DNAH3: variants seen among roughly 807,000 people sequenced by gnomAD.
DNAH3 encodes the protein axonemal beta dynein heavy chain 3.
Under a neutral mutation model 432.5 loss-of-function variants are expected in DNAH3, and 332 were observed. That is an observed-to-expected ratio of 0.77 (90% CI 0.70 to 0.84). DNAH3 has a LOEUF of 0.84. Among genes scored for constraint, DNAH3 ranks in the 40% least tolerant of loss-of-function variants. The pLI, the probability that DNAH3 is intolerant of heterozygous loss-of-function variation, is 0.00. For missense variants in DNAH3, 4,861 were observed against 5,114.0 expected, an observed-to-expected ratio of 0.95 and a Z score of 1.51; for synonymous variants, 1,956 against 1,900.2, an observed-to-expected ratio of 1.03 and a Z score of -0.76.
intron 18 of DNAH3, among the ~76,000 whole-genome samples, chr16:21,092,994 A>G (rs1339049113): frequency 6.6e-6 from 1 of 152,172 alleles, no homozygotes; most frequent in Non-Finnish European, 1.5e-5. Context: ...GGATTGCTTG[A>G]GCCCAGGAAT....
rs372220424 is a variant in DNAH3 at position 21,065,980 on chromosome 16, C to T, written c.3518+1303G>A. Among the ~76,000 whole-genome samples the T allele has an allele frequency of 9.9e-5, 15 of 152,152 alleles. No homozygotes were observed. In the South Asian group the frequency reaches 3.1e-3, roughly 32 times the overall value. On this transcript the variant is annotated intron_variant, in intron 24 of 61. Transcript: ENST00000261383. The stretch of plus-strand genomic sequence containing the variant: ...TAGCTGGGATTACAGGTGCCCCCCA[C>T]CACACCTGGCTAATTTTTGTATTTT...
chr16:21,112,168 C>G, intron 12 of DNAH3, 70 bp from the exon 13 acceptor site: 1 of 1,003,570 alleles, frequency 1.0e-6, no homozygotes, highest in Non-Finnish European at 1.5e-6. Flanking sequence ...GTCAGAGTGG[C>G]AAATGAAGAC....
In DNAH3 at chr16:21,021,976, A is replaced by T. The variant is rs150017289; in HGVS notation, c.5771T>A (p.Leu1924Gln). ...GAATCATGGCTAGCACTTACCAAGC[A>T]GAGAAGAGTACAGTCTCATCATTGA... The change falls in exon 40 of 62, where the codon CTG becomes CAG. Residue 1924 changes from leucine (L) to glutamine (Q), a missense_variant. Transcript: ENST00000261383. 3.7e-6 allele frequency: 6 copies of T among 1,613,828 alleles called. No homozygotes were observed. The African/African-American group carries it at 8.0e-5, about 22-fold the overall frequency.
At chr16:21,013,719 C>CAAAAAAAAAAAAAAAAA (rs557641711) in intron 41 of DNAH3, among the ~76,000 whole-genome samples, 2 of 47,426 alleles carry the variant, frequency 4.2e-5, no homozygotes, top group Non-Finnish European at 8.1e-5. Flanking sequence ...AACTCCATCT[C>CAAAAAAAAAAAAAAAAA]AAAAAAAAAA....
chr16:21,139,084 C>T, intron 5 of DNAH3, among the ~76,000 whole-genome samples: 1 of 152,058 alleles, frequency 6.6e-6, no homozygotes. Flanking sequence ...GACATTTGCT[C>T]TAAAGTTTTA....
At chr16:21,078,796 G>A (rs1199735114) in intron 20 of DNAH3, among the ~76,000 whole-genome samples, 1 of 152,226 alleles carries the variant, frequency 6.6e-6, no homozygotes, top group Non-Finnish European at 1.5e-5. Context: ...AAATGTGCTG[G>A]AGAAGCTCAT....
In DNAH3 at chr16:20,997,268, C is replaced by T. The variant is rs377343224; in HGVS notation, c.6601+15G>A. 65 of 1,611,822 alleles carry T rather than the reference C, an allele frequency of 4.0e-5. No individual in the cohort carries two copies. The African/African-American group carries it at 8.4e-4, about 21-fold the overall frequency. On this transcript the variant is annotated intron_variant, in intron 44 of 61. Coordinates refer to ENST00000261383, the Ensembl canonical transcript of DNAH3. ...GGATGGAGGGAAAGAGGAATGAGCT[C>T]TTCCCTTCACATACCAGTAATGTCA...
intron 52 of DNAH3, among the ~76,000 whole-genome samples, chr16:20,968,803 T>C (rs949886825): frequency 6.9e-5 from 10 of 145,622 alleles, no homozygotes; most frequent in African/African-American, 2.5e-4. Flanking sequence ...CCCCAACTCC[T>C]CTTCTCTGTC....
chr16:20,952,634 A>G, intron 55 of DNAH3, 85 bp from the exon 56 acceptor site: 1 of 861,734 alleles, frequency 1.2e-6, no homozygotes, highest in South Asian at 1.4e-5. Context: ...GTTAAGCATC[A>G]TTATGGATCA....
intron 42 of DNAH3, 52 bp downstream of exon 42, chr16:21,003,052 A>C (rs377008343): frequency 5.9e-5 from 70 of 1,182,586 alleles, no homozygotes; most frequent in Non-Finnish European, 8.4e-5. Flanking sequence ...CTGAGAGAAT[A>C]TTTGGATGAT....
chr16:21,109,575 G>A (rs192216151), intron 14 of DNAH3, among the ~76,000 whole-genome samples: 24 of 152,020 alleles, frequency 1.6e-4, no homozygotes, highest in African/African-American at 3.4e-4. Context: ...TATTAATAGC[G>A]GTGATTATTA....
intron 7 of DNAH3, among the ~76,000 whole-genome samples, chr16:21,131,997 T>C (rs1202333736): frequency 6.6e-6 from 1 of 152,190 alleles, no homozygotes; most frequent in Non-Finnish European, 1.5e-5. Flanking sequence ...TCCCATTCTA[T>C]AAGTTATTAC....
intron 14 of DNAH3, among the ~76,000 whole-genome samples, chr16:21,111,254 G>A (rs1484565732): frequency 6.6e-6 from 1 of 152,160 alleles, no homozygotes; most frequent in Non-Finnish European, 1.5e-5. Flanking sequence ...AGGAAAATGC[G>A]CCTGTAAGCA....
At chr16:20,979,991 C>G (rs866443992) in intron 49 of DNAH3, among the ~76,000 whole-genome samples, 2 of 151,352 alleles carry the variant, frequency 1.3e-5, no homozygotes, top group Non-Finnish European at 2.9e-5. Context: ...CTCAGGTGAT[C>G]TGCCCACCTT....
At chr16:20,964,541 G>A in exon 53 of DNAH3, 1 of 1,614,142 alleles carries the variant, frequency 6.2e-7, no homozygotes, top group Non-Finnish European at 8.5e-7. Context: ...GCGTTTTCCA[G>A]CATCCTCATG....
At chr16:21,114,940 C>T (rs1597403750) in intron 12 of DNAH3, among the ~76,000 whole-genome samples, 1 of 152,262 alleles carries the variant, frequency 6.6e-6, no homozygotes, top group East Asian at 1.9e-4. Context: ...GACACATGCA[C>T]ACGTATGTTT....
chr16:20,987,672 A>G, intron 46 of DNAH3, 21 bp downstream of exon 46: 1 of 1,610,870 alleles, frequency 6.2e-7, no homozygotes. Context: ...TGATCTTGGT[A>G]GTAAAATGAT....
At chr16:20,942,962 G>C (rs2083882638) in intron 58 of DNAH3, among the ~76,000 whole-genome samples, 1 of 152,104 alleles carries the variant, frequency 6.6e-6, no homozygotes, top group South Asian at 2.1e-4. Context: ...AGGTGGGAGT[G>C]CAAAGGCATG....
chr16:20,944,204 A>AG (rs869127288), intron 58 of DNAH3, among the ~76,000 whole-genome samples: 1 of 6,416 alleles, frequency 1.6e-4, no homozygotes, highest in Non-Finnish European at 3.3e-4. Context: ...AGCAAAAGAA[A>AG]AAAAAAAAGA....
Sources: allele counts gnomAD v4.1 joint callset (sites outside exome capture counted in the v4.1 genomes callset), GRCh38; gene constraint gnomAD v4.1.1; transcripts MANE v1.5; gene names NCBI Gene and HGNC (gene_info 2026-07-23, HGNC 2026-07-21).